Variants in TMEM181 observed in about 807,000 individuals in gnomAD.
TMEM181 encodes transmembrane protein 181.
In TMEM181, 39 loss-of-function variants were observed where a neutral mutation model predicts 71.9. The ratio of observed to expected loss-of-function variants is 0.54; its 90% CI spans 0.42 to 0.71. TMEM181 has a LOEUF of 0.71. TMEM181 is among the 30% of genes least tolerant of loss of function. The pLI, the probability that TMEM181 is intolerant of heterozygous loss-of-function variation, is 0.00. For synonymous variants in TMEM181, 245 were observed against 228.8 expected (o/e 1.07, Z -0.64); for missense variants, 595 against 583.0 (o/e 1.02, Z -0.21).
chr6:158,630,503 TTAAA>T (rs1175284416), intron 15 of TMEM181, among the ~76,000 whole-genome samples: 3 of 151,872 alleles, frequency 2.0e-5, no homozygotes, highest in South Asian at 4.2e-4. Context: ...TAAAAAAAAA[TTAAA>T]TAAAATAGGC....
rs35319740 is a variant in TMEM181, at chr6:158,603,588, GTT to G, written c.493-1661_493-1660del. ...CGATGCTATGTTGATTTTTTTTCAG[GTT>G]TTTTTTTTTTTTTTTTTAGTTTTAT... On this transcript the variant is annotated intron_variant, in intron 6 of 16. Coordinates refer to ENST00000684151, the MANE Select transcript of TMEM181 (RefSeq NM_001376852.1). 7.9e-3 allele frequency among the ~76,000 whole-genome samples: 1,073 copies of G among 136,024 alleles called. 6 individuals carry two copies. The highest frequency in any genetic ancestry group is 0.022 in the South Asian group (94 of 4,356). The allele number at this position is 136,024 out of a possible 152,430, so 89.2% of individuals were successfully genotyped here. A position where few individuals can be genotyped will look rare whatever the true frequency, so the allele number is the denominator to read the frequency against.
intron 2 of TMEM181, among the ~76,000 whole-genome samples, chr6:158,579,391 T>C (rs1783345683): frequency 6.6e-6 from 1 of 151,974 alleles, no homozygotes; most frequent in Non-Finnish European, 1.5e-5. Flanking sequence ...GAATGAAATG[T>C]GGTGTACACA....
At chr6:158,622,680 T>C (rs1436504855) in intron 10 of TMEM181, among the ~76,000 whole-genome samples, 1 of 152,220 alleles carries the variant, frequency 6.6e-6, no homozygotes, top group Non-Finnish European at 1.5e-5. Context: ...AAACCATGGG[T>C]AAGTAGGGAC....
chr6:158,589,215 G>A (rs140158332), intron 5 of TMEM181, among the ~76,000 whole-genome samples: 29 of 152,306 alleles, frequency 1.9e-4, no homozygotes, highest in African/African-American at 6.5e-4. Flanking sequence ...TGTAGAGAGT[G>A]ACAGGTTAAA....
intron 1 of TMEM181, among the ~76,000 whole-genome samples, chr6:158,550,383 C>T (rs957355844): frequency 5.0e-4 from 75 of 151,156 alleles, no homozygotes; most frequent in African/African-American, 1.7e-3. Flanking sequence ...TTCAGCCGGG[C>T]GCGGTGGCTC....
At chr6:158,554,319 C>T (rs1351245565) in intron 1 of TMEM181, among the ~76,000 whole-genome samples, 1 of 152,140 alleles carries the variant, frequency 6.6e-6, no homozygotes, top group Non-Finnish European at 1.5e-5. Flanking sequence ...CTCTTGACCT[C>T]AGGCAGTCCG....
chr6:158,622,820 A>G (rs1371700031), intron 10 of TMEM181, among the ~76,000 whole-genome samples: 1 of 151,360 alleles, frequency 6.6e-6, no homozygotes, highest in African/African-American at 2.4e-5. Context: ...GAGAGGGGAG[A>G]CCTTGTTGTA....
At chr6:158,630,823 C>A (rs1221097058) in intron 15 of TMEM181, among the ~76,000 whole-genome samples, 2 of 152,070 alleles carry the variant, frequency 1.3e-5, no homozygotes, top group Non-Finnish European at 2.9e-5. Flanking sequence ...CATAGGCAGC[C>A]CCCCGCACCC....
intron 13 of TMEM181, among the ~76,000 whole-genome samples, chr6:158,626,934 T>C (rs58594077): frequency 8.0e-4 from 65 of 81,060 alleles, no homozygotes; most frequent in African/African-American, 3.3e-3. Context: ...TCACCCTCAT[T>C]CTCACCCTCA....
intron 1 of TMEM181, among the ~76,000 whole-genome samples, chr6:158,539,235 G>GTA (rs1197797128): frequency 1.3e-5 from 2 of 152,200 alleles, no homozygotes; most frequent in African/African-American, 4.8e-5. Context: ...ACAATATTTT[G>GTA]TATAGACAGG....
At chr6:158,571,160 C>T (rs1393608680) in intron 1 of TMEM181, among the ~76,000 whole-genome samples, 1 of 151,820 alleles carries the variant, frequency 6.6e-6, no homozygotes, top group East Asian at 1.9e-4. Context: ...GCAGTGGTGC[C>T]ATCTTGGCTC....
intron 1 of TMEM181, among the ~76,000 whole-genome samples, chr6:158,566,840 C>G (rs1330964942): frequency 3.3e-5 from 5 of 152,218 alleles, no homozygotes; most frequent in African/African-American, 9.6e-5. Flanking sequence ...CTCCACAAAC[C>G]TCACCTTGCT....
At chr6:158,581,489 C>T (rs1403733106) in intron 3 of TMEM181, among the ~76,000 whole-genome samples, 1 of 152,136 alleles carries the variant, frequency 6.6e-6, no homozygotes, top group East Asian at 1.9e-4. Context: ...TGAGGTGGCT[C>T]ATGCCTGTAA....
chr6:158,558,100 G>A (rs1781971950), upstream of TMEM181, among the ~76,000 whole-genome samples: 1 of 152,212 alleles, frequency 6.6e-6, no homozygotes, highest in Non-Finnish European at 1.5e-5. Flanking sequence ...TGACAGGAAG[G>A]AATTGCCAGG....
At chr6:158,585,615 A>G (rs936126983) in intron 5 of TMEM181, among the ~76,000 whole-genome samples, 190 bp downstream of exon 5, 11 of 152,238 alleles carry the variant, frequency 7.2e-5, no homozygotes, top group Non-Finnish European at 1.2e-4. Flanking sequence ...TACCCTTAAA[A>G]ATTCTTATAA....
At chr6:158,567,786 G>A (rs1339627784) in intron 1 of TMEM181, among the ~76,000 whole-genome samples, 1 of 152,234 alleles carries the variant, frequency 6.6e-6, no homozygotes, top group East Asian at 1.9e-4. Flanking sequence ...TTTCTCATCT[G>A]AAAGGGGTTG....
At chr6:158,617,499 TTA>T (rs1785685761) in intron 10 of TMEM181, among the ~76,000 whole-genome samples, 1 of 152,182 alleles carries the variant, frequency 6.6e-6, no homozygotes, top group South Asian at 2.1e-4. Context: ...CTGATCTTAG[TTA>T]TTTCTTGCCT....
chr6:158,565,906 G>T lies in TMEM181; in HGVS notation c.8+5674G>T, dbSNP rs140199117. Among the ~76,000 whole-genome samples, 267 of 152,322 alleles carry T rather than the reference G, an allele frequency of 1.8e-3. 1 individual carries two copies. Among genetic ancestry groups the T allele is most frequent in the African/African-American group, 5.8e-3 (242 of 41,582 alleles). On this transcript the variant is annotated intron_variant, in intron 1 of 16. Coordinates refer to ENST00000684151, the MANE Select transcript of TMEM181 (RefSeq NM_001376852.1). The stretch of plus-strand genomic sequence containing the variant: ...GCCGCAGGATGGGCAGTGCCCCACA[G>T]CAGGGATGCCTGCTGTCTTGCGTTC...
chr6:158,539,192 C>T (rs1160364702), intron 1 of TMEM181, among the ~76,000 whole-genome samples: 4 of 152,200 alleles, frequency 2.6e-5, no homozygotes, highest in Non-Finnish European at 2.9e-5. Context: ...CCCCGCCCCC[C>T]GCCATGAGCA....
Sources: allele counts gnomAD v4.1 joint callset (sites outside exome capture counted in the v4.1 genomes callset), GRCh38; gene constraint gnomAD v4.1.1; transcripts MANE v1.5; gene names NCBI Gene and HGNC (gene_info 2026-07-23, HGNC 2026-07-21).